The following CFAP61 variants were observed in gnomAD, a reference collection of about 807,000 sequenced individuals.
CFAP61 encodes cilia- and flagella-associated protein 61.
CFAP61 carries 107 observed loss-of-function variants against 135.6 expected under a neutral mutation model. That is an observed-to-expected ratio of 0.79 (90% CI 0.67 to 0.93). The LOEUF (loss-of-function observed/expected upper bound fraction) is 0.93, where lower values mean the gene tolerates loss of function less well. CFAP61 is among the 40% of genes least tolerant of loss of function. The pLI, the probability that CFAP61 is intolerant of heterozygous loss-of-function variation, is 0.00. For synonymous variants in CFAP61, 575 were observed against 578.5 expected (o/e 0.99, Z 0.09); for missense variants, 1,507 against 1,556.2 (o/e 0.97, Z 0.53).
chr20:20,331,397 G>T (rs2057987249), intron 25 of CFAP61, among the ~76,000 whole-genome samples: 2 of 147,630 alleles, frequency 1.4e-5, no homozygotes, highest in Non-Finnish European at 3.0e-5. Flanking sequence ...GAAACAGTTT[G>T]TGGTTTATTA....
intron 25 of CFAP61, among the ~76,000 whole-genome samples, chr20:20,305,939 T>C (rs2056446626): frequency 6.6e-6 from 1 of 152,220 alleles, no homozygotes; most frequent in Non-Finnish European, 1.5e-5. Context: ...ACTCAAATTT[T>C]TGAACCTTAC....
rs562835459 is a variant in CFAP61, at chr20:20,105,654, C to T, written c.859+6840C>T. The stretch of plus-strand genomic sequence containing the variant: ...TTTATTTATTTTTATTGTTTTGAGA[C>T]GGAGTCTCGCTCTGTCGCCCAGGCT... On this transcript the variant is annotated intron_variant, in intron 8 of 26. Coordinates refer to ENST00000245957, the MANE Select transcript of CFAP61 (RefSeq NM_015585.4). 3.2e-3 allele frequency among the ~76,000 whole-genome samples: 375 copies of T among 115,894 alleles called. 1 individual carries two copies. Among genetic ancestry groups the T allele is most frequent in the Non-Finnish European group, 4.2e-3 (224 of 53,366 alleles). 76.0% of individuals were successfully genotyped at this position (115,894 alleles called of 152,430 possible). A position where few individuals can be genotyped will look rare whatever the true frequency, so the allele number is the denominator to read the frequency against.
intron 14 of CFAP61, 120 bp downstream of exon 14, chr20:20,188,176 G>A: frequency 9.7e-7 from 1 of 1,033,312 alleles, no homozygotes. Flanking sequence ...GGCAGTGGAG[G>A]TAGAGTTAGA....
intron 9 of CFAP61, among the ~76,000 whole-genome samples, chr20:20,151,270 CA>C (rs1327235425): frequency 1.3e-5 from 2 of 151,082 alleles, no homozygotes. Flanking sequence ...TTGAAAGTTT[CA>C]ACAGTAGACT....
chr20:20,291,166 T>G (rs2054974167), intron 24 of CFAP61, among the ~76,000 whole-genome samples: 1 of 152,170 alleles, frequency 6.6e-6, no homozygotes. Flanking sequence ...GACACATTAT[T>G]ATCAACTAAA....
chr20:20,260,620 T>C (rs1321074437), intron 20 of CFAP61, among the ~76,000 whole-genome samples: 1 of 152,234 alleles, frequency 6.6e-6, no homozygotes, highest in Non-Finnish European at 1.5e-5. Flanking sequence ...CAGAATGCAA[T>C]TACATTTCAA....
intron 15 of CFAP61, among the ~76,000 whole-genome samples, chr20:20,195,610 C>T (rs911494645): frequency 6.6e-6 from 1 of 152,130 alleles, no homozygotes; most frequent in African/African-American, 2.4e-5. Flanking sequence ...CCTGTGGAAA[C>T]GAGCAGTGTG....
At chr20:20,137,517 C>T (rs1258439529) in intron 8 of CFAP61, among the ~76,000 whole-genome samples, 1 of 152,152 alleles carries the variant, frequency 6.6e-6, no homozygotes, top group Non-Finnish European at 1.5e-5. Context: ...AGTCTCTCCC[C>T]ATGTCCACCA....
chr20:20,296,366 TCATC>T (rs2055583032), intron 24 of CFAP61, among the ~76,000 whole-genome samples: 2 of 101,012 alleles, frequency 2.0e-5, no homozygotes, highest in African/African-American at 3.9e-5. Flanking sequence ...TTTCCTTTCT[TCATC>T]CCTCCTTCCC....
In CFAP61 at chr20:20,277,143, T is replaced by C. The variant is rs763677981; in HGVS notation, c.2504-23T>C. The C allele has an allele frequency of 1.1e-5, 18 of 1,575,588 alleles. No individual in the cohort carries two copies. In the African/African-American group the frequency reaches 2.4e-4, roughly 21 times the overall value. ...TTTTGGTTTTCTGAACTGTATATCT[T>C]AGCGTTTTCCCTTCTTTCCTAGGGA... is the stretch of plus-strand genomic sequence containing the variant. On this transcript the variant is annotated intron_variant, in intron 21 of 26. Coordinates refer to ENST00000245957, the MANE Select transcript of CFAP61 (RefSeq NM_015585.4).
At chr20:20,110,515 A>G (rs1307493759) in intron 8 of CFAP61, among the ~76,000 whole-genome samples, 1 of 152,182 alleles carries the variant, frequency 6.6e-6, no homozygotes, top group East Asian at 1.9e-4. Context: ...TGGAGCAACT[A>G]TCAACCTAGT....
intron 17 of CFAP61, chr20:20,200,778 A>T: frequency 1.0e-6 from 1 of 985,410 alleles, no homozygotes; most frequent in Non-Finnish European, 1.2e-6. Flanking sequence ...AACACCTCGC[A>T]ATACGCTCGG....
In CFAP61 at chr20:20,128,146, C is replaced by A. The variant is rs183136135; in HGVS notation, c.860-14711C>A. On this transcript the variant is annotated intron_variant, in intron 8 of 26. Transcript: ENST00000245957. ...AAAGAAAAGGGCTTGGTTCTTCCCC[C>A]TTCTGTGGAGACTGCACACTGGATT... is the stretch of plus-strand genomic sequence containing the variant. 1.2e-3 allele frequency among the ~76,000 whole-genome samples: 185 copies of A among 151,874 alleles called. 1 individual carries two copies. The highest frequency in any genetic ancestry group is 2.0e-3 in the Non-Finnish European group (135 of 68,004).
At chr20:20,199,271 C>CAA (rs1372133053) in intron 16 of CFAP61, among the ~76,000 whole-genome samples, 1 of 151,944 alleles carries the variant, frequency 6.6e-6, no homozygotes, top group Non-Finnish European at 1.5e-5. Flanking sequence ...TGTTGTTGAA[C>CAA]AAAGGTCTGG....
chr20:20,148,036 G>A (rs544476572), intron 9 of CFAP61, among the ~76,000 whole-genome samples: 2 of 152,004 alleles, frequency 1.3e-5, no homozygotes, highest in East Asian at 3.9e-4. Context: ...ATTTTTCTTT[G>A]CTTTGTCAAA....
intron 11 of CFAP61, 90 bp from the exon 12 acceptor site, chr20:20,166,307 C>T (rs924875899): frequency 3.6e-5 from 39 of 1,073,556 alleles, no homozygotes; most frequent in South Asian, 6.5e-5. Context: ...AATCGCTGCC[C>T]GAGGGGAGGG....
chr20:20,170,995 T>A (rs2054178424), intron 13 of CFAP61, among the ~76,000 whole-genome samples: 1 of 152,150 alleles, frequency 6.6e-6, no homozygotes, highest in African/African-American at 2.4e-5. Flanking sequence ...TTATCCTCAT[T>A]TCACAGGTAA....
intron 22 of CFAP61, among the ~76,000 whole-genome samples, chr20:20,282,150 C>G (rs1353331114): frequency 6.6e-6 from 1 of 151,904 alleles, no homozygotes; most frequent in African/African-American, 2.4e-5. Flanking sequence ...TCTCTCTGAC[C>G]CTCTCTCTGT....
At chr20:20,071,733 C>T (rs540184414) in intron 3 of CFAP61, among the ~76,000 whole-genome samples, 4 of 152,276 alleles carry the variant, frequency 2.6e-5, no homozygotes, top group Admixed American at 6.5e-5. Context: ...ACCCCCCGTA[C>T]ATGTGTGTGA....
Sources: gnomAD v4.1 joint callset for allele counts (sites outside exome capture counted in the v4.1 genomes callset) on GRCh38, gnomAD v4.1.1 for gene constraint, MANE v1.5 for transcripts, NCBI Gene and HGNC (gene_info 2026-07-23, HGNC 2026-07-21) for gene names.